TRIM2: variants seen among roughly 807,000 people sequenced by gnomAD.
TRIM2 encodes the protein tripartite motif containing 2.
In TRIM2, 20 loss-of-function variants were observed where a neutral mutation model predicts 75.2. That is an observed-to-expected ratio of 0.27 (90% CI 0.19 to 0.39). The LOEUF (loss-of-function observed/expected upper bound fraction) is 0.39. Among genes scored for constraint, TRIM2 ranks in the 10% least tolerant of loss-of-function variants. TRIM2 has a pLI of 1.00. For missense variants in TRIM2, 660 were observed against 990.8 expected, an observed-to-expected ratio of 0.67 and a Z score of 4.48; for synonymous variants, 373 against 388.3, an observed-to-expected ratio of 0.96 and a Z score of 0.46.
At chr4:153,239,339 G>T (rs1159774156) in intron 1 of TRIM2, among the ~76,000 whole-genome samples, 1 of 142,496 alleles carries the variant, frequency 7.0e-6, no homozygotes, top group Admixed American at 6.9e-5. Context: ...GAGACACAGC[G>T]TGACTCCGTC....
chr4:153,302,819 T>C (rs949396807), intron 6 of TRIM2, among the ~76,000 whole-genome samples: 1 of 152,206 alleles, frequency 6.6e-6, no homozygotes, highest in African/African-American at 2.4e-5. Flanking sequence ...TATGCCTGGG[T>C]CTTATTACCC....
chr4:153,230,486 G>A (rs1444451732), intron 1 of TRIM2, among the ~76,000 whole-genome samples: 1 of 152,148 alleles, frequency 6.6e-6, no homozygotes, highest in Non-Finnish European at 1.5e-5. Context: ...CCCAGCCCAT[G>A]TTCAGTCTCA....
At chr4:153,208,490 T>A (rs916864456) in intron 1 of TRIM2, among the ~76,000 whole-genome samples, 2 of 152,106 alleles carry the variant, frequency 1.3e-5, no homozygotes, top group Non-Finnish European at 2.9e-5. Context: ...TATGTAAAAT[T>A]TGTCACTATC....
chr4:153,206,529 C>T lies in TRIM2; in HGVS notation c.30+1969C>T, dbSNP rs187213313. Reference sequence around the variant, plus strand: ...GGTCTTGGAGCTTTCATGTCCTCTCCGGGCGCCACTCTCCCAGCGTCTCCA... The same window carrying T: ...GGTCTTGGAGCTTTCATGTCCTCTCTGGGCGCCACTCTCCCAGCGTCTCCA... On this transcript the variant is annotated intron_variant, in intron 1 of 11. Transcript: ENST00000338700. Among the ~76,000 whole-genome samples the T allele has an allele frequency of 7.9e-5, 12 of 152,204 alleles. No individual in the cohort carries two copies. The South Asian group carries it at 2.1e-3, about 26-fold the overall frequency.
intron 1 of TRIM2, among the ~76,000 whole-genome samples, chr4:153,170,515 TA>T (rs1201820803): frequency 3.3e-5 from 5 of 152,076 alleles, no homozygotes; most frequent in African/African-American, 7.2e-5. Flanking sequence ...GGTTGCTTTT[TA>T]AAAAAATCCT....
chr4:153,237,272 C>T (rs1578800133), intron 1 of TRIM2, among the ~76,000 whole-genome samples: 2 of 152,070 alleles, frequency 1.3e-5, no homozygotes, highest in Non-Finnish European at 2.9e-5. Context: ...ATATTATAAC[C>T]ACATTGTTGT....
intron 1 of TRIM2, among the ~76,000 whole-genome samples, chr4:153,255,746 C>T (rs1264310011): frequency 6.6e-6 from 1 of 152,302 alleles, no homozygotes; most frequent in East Asian, 1.9e-4. Flanking sequence ...GCTAAATTCA[C>T]GCAATGGAAT....
intron 1 of TRIM2, among the ~76,000 whole-genome samples, chr4:153,240,081 G>A (rs991393732): frequency 3.3e-5 from 5 of 151,924 alleles, no homozygotes; most frequent in Admixed American, 6.6e-5. Flanking sequence ...CAATCCACCC[G>A]TCTCAGCCTC....
chr4:153,255,102 C>G (rs995165306), intron 1 of TRIM2, among the ~76,000 whole-genome samples: 1 of 152,184 alleles, frequency 6.6e-6, no homozygotes, highest in Admixed American at 6.5e-5. Context: ...CAAGCATTTA[C>G]CACTCTGCAT....
At chr4:153,181,015 C>T (rs62323669) in intron 1 of TRIM2, among the ~76,000 whole-genome samples, 29,308 of 152,112 alleles carry the variant, frequency 0.19, 3,523 homozygotes, top group African/African-American at 0.32. Context: ...GTGAGCCCAC[C>T]TTGCATATAG....
At position 153,290,634 on chromosome 4, in the gene TRIM2, T is replaced by C. The variant is rs79800354; in HGVS notation, c.454-2348T>C. ...ATTTTAATGAGAAGTGTGAATACTTTTTTGCTTTTTGAAATAGGATCTTGC... is the reference window on the plus strand; with the variant it reads ...ATTTTAATGAGAAGTGTGAATACTTCTTTGCTTTTTGAAATAGGATCTTGC... On this transcript the variant is annotated intron_variant, in intron 3 of 11. Transcript: ENST00000338700. Among the ~76,000 whole-genome samples, 1,386 of 152,278 alleles carry C rather than the reference T, an allele frequency of 9.1e-3. 7 individuals are homozygous for C. Among genetic ancestry groups the C allele is most frequent in the Non-Finnish European group, 0.014 (924 of 68,006 alleles).
chr4:153,338,511 G>T lies in TRIM2; in HGVS notation c.*3545G>T, dbSNP rs1772712988. 1 of 984,562 alleles carries T rather than the reference G, an allele frequency of 1.0e-6. No homozygotes were observed. Among genetic ancestry groups the T allele is most frequent in the Non-Finnish European group, 1.2e-6 (1 of 828,964 alleles). 61.0% of individuals were successfully genotyped at this position (984,562 alleles called of 1,614,324 possible). ...GGTAATACTGTTGGTTTCTGTAAATGTTGCAGGGTTTTAAACTTTATAATT... is the reference window on the plus strand; with the variant it reads ...GGTAATACTGTTGGTTTCTGTAAATTTTGCAGGGTTTTAAACTTTATAATT... On this transcript the variant is annotated 3_prime_UTR_variant, in exon 12 of 12. Transcript: ENST00000338700.
chr4:153,268,738 T>C (rs1755913305), intron 1 of TRIM2, among the ~76,000 whole-genome samples: 1 of 152,206 alleles, frequency 6.6e-6, no homozygotes, highest in Non-Finnish European at 1.5e-5. Context: ...TTTTCCTCTC[T>C]TGTGCTCTCA....
intron 6 of TRIM2, among the ~76,000 whole-genome samples, chr4:153,300,074 G>A (rs1013247853): frequency 5.9e-5 from 9 of 152,166 alleles, no homozygotes; most frequent in South Asian, 4.1e-4. Context: ...TTGCGGCACC[G>A]AAAATTTGTT....
At chr4:153,308,069 G>A (rs763401689) in intron 6 of TRIM2, 8 of 802,918 alleles carry the variant, frequency 1.0e-5, no homozygotes, top group Admixed American at 5.1e-5. Context: ...TGTAGCTCTT[G>A]TACCTATCAA....
chr4:153,210,898 C>A (rs909469585), intron 1 of TRIM2, among the ~76,000 whole-genome samples: 3 of 152,144 alleles, frequency 2.0e-5, no homozygotes, highest in African/African-American at 7.2e-5. Flanking sequence ...AGGATAGTGA[C>A]AAGATCTGAA....
At chr4:153,265,334 T>C (rs558736815) in intron 1 of TRIM2, among the ~76,000 whole-genome samples, 1 of 142,148 alleles carries the variant, frequency 7.0e-6, no homozygotes, top group East Asian at 1.9e-4. Context: ...GTTTTGTTTT[T>C]TGTGTTTTTT....
intron 3 of TRIM2, among the ~76,000 whole-genome samples, chr4:153,291,090 C>G (rs746165754): frequency 6.6e-6 from 1 of 151,644 alleles, no homozygotes; most frequent in Non-Finnish European, 1.5e-5. Context: ...TCTTTCTAAA[C>G]CTCTTACTAT....
At chr4:153,281,481 G>A (rs557536499) in intron 3 of TRIM2, among the ~76,000 whole-genome samples, 1 of 152,364 alleles carries the variant, frequency 6.6e-6, no homozygotes, top group East Asian at 1.9e-4. Context: ...GAAGTTCACT[G>A]CTGCTGTTTT....
Sources: allele counts gnomAD v4.1 joint callset (sites outside exome capture counted in the v4.1 genomes callset), GRCh38; gene constraint gnomAD v4.1.1; transcripts MANE v1.5; gene names NCBI Gene and HGNC (gene_info 2026-07-23, HGNC 2026-07-21).